Variants in HIP1 observed in about 807,000 individuals in gnomAD.
HIP1 encodes huntingtin-interacting protein 1.
In HIP1, 65 loss-of-function variants were observed where a neutral mutation model predicts 147.6. The ratio of observed to expected loss-of-function variants is 0.44; its 90% CI spans 0.36 to 0.54. The LOEUF (loss-of-function observed/expected upper bound fraction) is 0.54. HIP1 is among the 20% of genes least tolerant of loss of function. HIP1 has a pLI of 0.00. For synonymous variants in HIP1, 479 were observed against 504.0 expected (o/e 0.95, Z 0.67); for missense variants, 1,061 against 1,299.6 (o/e 0.82, Z 2.82).
intron 1 of HIP1, among the ~76,000 whole-genome samples, chr7:75,609,731 T>C (rs2117050092): frequency 6.6e-6 from 1 of 151,920 alleles, no homozygotes; most frequent in Non-Finnish European, 1.5e-5. Context: ...CTAATTTTTA[T>C]ATTTTTAGAA....
intron 1 of HIP1, among the ~76,000 whole-genome samples, chr7:75,704,445 T>C (rs1427755602): frequency 1.3e-5 from 2 of 152,150 alleles, no homozygotes; most frequent in Non-Finnish European, 2.9e-5. Flanking sequence ...GGTTTCTTCA[T>C]GTTGGTCAGG....
intron 8 of HIP1, among the ~76,000 whole-genome samples, chr7:75,572,377 A>G (rs1237409014): frequency 6.6e-6 from 1 of 152,190 alleles, no homozygotes; most frequent in Non-Finnish European, 1.5e-5. Flanking sequence ...ATATTTCTCC[A>G]TAAAATTCCA....
At chr7:75,565,358 C>A (rs2116855893) in intron 9 of HIP1, among the ~76,000 whole-genome samples, 1 of 152,302 alleles carries the variant, frequency 6.6e-6, no homozygotes, top group South Asian at 2.1e-4. Context: ...TGGTTTGGAG[C>A]CAACAGTAAC....
intron 1 of HIP1, among the ~76,000 whole-genome samples, chr7:75,696,697 T>A (rs1563299469): frequency 6.7e-6 from 1 of 149,996 alleles, no homozygotes; most frequent in Non-Finnish European, 1.5e-5. Context: ...ACTTCCTGGG[T>A]TCAAGTGATT....
At chr7:75,596,096 T>C (rs994320419) in intron 2 of HIP1, among the ~76,000 whole-genome samples, 3 of 152,070 alleles carry the variant, frequency 2.0e-5, no homozygotes, top group African/African-American at 7.2e-5. Context: ...CCAGGCATGA[T>C]GGCATGTGCC....
intron 8 of HIP1, among the ~76,000 whole-genome samples, chr7:75,570,944 A>G (rs1467302750): frequency 6.6e-6 from 1 of 152,114 alleles, no homozygotes; most frequent in East Asian, 1.9e-4. Flanking sequence ...TGGGAGATGG[A>G]GGTTGCAGTG....
At chr7:75,544,344 TAAG>T (rs1240975493) in intron 27 of HIP1, among the ~76,000 whole-genome samples, 1 of 151,952 alleles carries the variant, frequency 6.6e-6, no homozygotes, top group Non-Finnish European at 1.5e-5. Flanking sequence ...CTCTAACTCC[TAAG>T]TAGTCTCTAA....
At chr7:75,637,995 CACACACACAT>C (rs1798497876) in intron 1 of HIP1, among the ~76,000 whole-genome samples, 3 of 49,122 alleles carry the variant, frequency 6.1e-5, no homozygotes, top group Admixed American at 1.9e-4. Flanking sequence ...CCCCCCCCCA[CACACACACAT>C]ACACACACAC....
intron 24 of HIP1, among the ~76,000 whole-genome samples, 169 bp downstream of exon 24, chr7:75,547,586 G>A (rs587748681): frequency 1.6e-4 from 24 of 152,224 alleles, no homozygotes; most frequent in African/African-American, 5.1e-4. Context: ...TAGTGAAACA[G>A]CAATATTGCT....
At chr7:75,737,734 C>T (rs1402091223) in intron 1 of HIP1, among the ~76,000 whole-genome samples, 1 of 152,130 alleles carries the variant, frequency 6.6e-6, no homozygotes, top group Non-Finnish European at 1.5e-5. Flanking sequence ...AAGCCCTTTC[C>T]CTCCAACTGT....
At chr7:75,661,389 A>G (rs1407364297) in intron 1 of HIP1, among the ~76,000 whole-genome samples, 2 of 151,352 alleles carry the variant, frequency 1.3e-5, no homozygotes, top group East Asian at 2.0e-4. Context: ...CCTGGCCAAC[A>G]TGGTGAAACC....
intron 1 of HIP1, among the ~76,000 whole-genome samples, chr7:75,662,420 C>T (rs1483408029): frequency 1.3e-5 from 2 of 152,184 alleles, no homozygotes; most frequent in Non-Finnish European, 1.5e-5. Flanking sequence ...TCAAGCAATC[C>T]TCCTACCTGG....
intron 2 of HIP1, among the ~76,000 whole-genome samples, chr7:75,598,580 C>T (rs1353844402): frequency 6.6e-6 from 1 of 151,818 alleles, no homozygotes; most frequent in Non-Finnish European, 1.5e-5. Flanking sequence ...GGAGGTCTCT[C>T]AAAGGAAAGT....
At chr7:75,691,682 G>A (rs1800458830) in intron 1 of HIP1, among the ~76,000 whole-genome samples, 1 of 152,030 alleles carries the variant, frequency 6.6e-6, no homozygotes, top group African/African-American at 2.4e-5. Context: ...CAGCTACTCA[G>A]GAGGCTGAGG....
chr7:75,632,568 T>C (rs1487761672), intron 1 of HIP1, among the ~76,000 whole-genome samples: 3 of 150,484 alleles, frequency 2.0e-5, no homozygotes, highest in Non-Finnish European at 4.4e-5. Flanking sequence ...TTTCTTTTTT[T>C]TTTTTTTTTT....
At chr7:75,673,505 G>A (rs1263019400) in intron 1 of HIP1, among the ~76,000 whole-genome samples, 1 of 152,070 alleles carries the variant, frequency 6.6e-6, no homozygotes, top group Non-Finnish European at 1.5e-5. Context: ...TCTGACCCAA[G>A]AACATAAAAT....
At chr7:75,681,500 T>A in intron 1 of HIP1, among the ~76,000 whole-genome samples, 1 of 11,036 alleles carries the variant, frequency 9.1e-5, no homozygotes, top group Non-Finnish European at 1.7e-4. Flanking sequence ...GCACCTGCTT[T>A]TTTTTTTTTT....
intron 1 of HIP1, among the ~76,000 whole-genome samples, chr7:75,648,274 TGGAGTAGCTGGGGCTCGTC>T (rs1223845241): frequency 6.6e-6 from 1 of 151,532 alleles, no homozygotes; most frequent in Non-Finnish European, 1.5e-5. Flanking sequence ...TGGGGCTGGT[TGGAGTAGCTGGGGCTCGTC>T]GGAGTAGTTG....
Position 75,537,517 on chromosome 7 carries a change from T to A in HIP1, c.*655A>T. 1 of 199,888 alleles carries A rather than the reference T, an allele frequency of 5.0e-6. No homozygotes were observed. Among genetic ancestry groups the A allele is most frequent in the African/African-American group, 2.4e-5 (1 of 41,106 alleles). 12.4% of individuals were successfully genotyped at this position (199,888 alleles called of 1,614,324 possible). A position where few individuals can be genotyped will look rare whatever the true frequency, so the allele number is the denominator to read the frequency against. On this transcript the variant is annotated 3_prime_UTR_variant, in exon 31 of 31. Coordinates refer to ENST00000336926, the MANE Select transcript of HIP1 (RefSeq NM_005338.7). ...GAGAGTTGGCTATGTGAGTGAAACT[T>A]AAAAAAAAAAACAAAACCAAAAAAC...
Sources: gnomAD v4.1 joint callset for allele counts (sites outside exome capture counted in the v4.1 genomes callset) on GRCh38, gnomAD v4.1.1 for gene constraint, MANE v1.5 for transcripts, NCBI Gene and HGNC (gene_info 2026-07-23, HGNC 2026-07-21) for gene names.